Variants in STS observed in about 807,000 individuals in gnomAD.
STS encodes the protein steryl-sulfatase.
A neutral mutation model predicts 26.8 loss-of-function variants in STS; 7 were observed. The ratio of observed to expected loss-of-function variants is 0.26; its 90% CI spans 0.15 to 0.49. The LOEUF (loss-of-function observed/expected upper bound fraction) is 0.49. Ranked by LOEUF, STS falls within the 20% of genes least tolerant of loss-of-function variation. The probability of loss-of-function intolerance (pLI) is 0.98; values close to 1 mark genes in which losing one functional copy is unlikely to be tolerated. For synonymous variants in STS, 199 were observed against 189.4 expected, an observed-to-expected ratio of 1.05 and a Z score of -0.42; for missense variants, 434 against 465.6, an observed-to-expected ratio of 0.93 and a Z score of 0.63.
At position 7,147,974 on chromosome X, in the gene STS, C is replaced by G; in HGVS notation, c.-243C>G. 3 of 780,078 alleles carry G rather than the reference C, an allele frequency of 3.8e-6. No individual in the cohort carries two copies. The Middle Eastern group carries it at 8.9e-4, about 230-fold the overall frequency. The allele number at this position is 780,078 out of a possible 1,213,427, so 64.3% of individuals were successfully genotyped here. A position where few individuals can be genotyped will look rare whatever the true frequency, so the allele number is the denominator to read the frequency against. ...CACCGCCCCGCCGCGGCCCCCAGGC[C>G]GTGACGTACCCCGCGCCGACCGTCC... On this transcript the variant is annotated 5_prime_UTR_variant, in exon 1 of 11. Coordinates refer to ENST00000674429, the MANE Select transcript of STS (RefSeq NM_001320752.2).
At chrX:7,205,898 G>C (rs1172457951) in intron 2 of STS, among the ~76,000 whole-genome samples, 5 of 107,868 alleles carry the variant, frequency 4.6e-5, no homozygotes, top group African/African-American at 1.0e-4. Context: ...TTACAGGTGT[G>C]AGCCACCACT....
intron 6 of STS, among the ~76,000 whole-genome samples, chrX:7,272,032 G>A (rs1223162077): frequency 9.1e-6 from 1 of 109,513 alleles, no homozygotes; most frequent in African/African-American, 3.3e-5. Context: ...TGAGCAGTTC[G>A]AGGAGCCCAA....
intron 8 of STS, among the ~76,000 whole-genome samples, chrX:7,319,806 T>C (rs1926878431): frequency 9.4e-6 from 1 of 106,497 alleles, no homozygotes; most frequent in South Asian, 3.9e-4. Flanking sequence ...ACTGTTTAAA[T>C]TCACAGGCTT....
intron 10 of STS, among the ~76,000 whole-genome samples, chrX:7,336,239 G>GCCCCC (rs778077403): frequency 2.3e-5 from 2 of 88,763 alleles, no homozygotes; most frequent in Non-Finnish European, 4.4e-5. Flanking sequence ...ACCTAGGACT[G>GCCCCC]CCCCCCCCAC....
chrX:7,255,028 T>G (rs1317703813), intron 3 of STS, among the ~76,000 whole-genome samples: 1 of 112,572 alleles, frequency 8.9e-6, no homozygotes, highest in African/African-American at 3.2e-5. Context: ...GACAGTATAT[T>G]TAATCATTGC....
intron 7 of STS, among the ~76,000 whole-genome samples, chrX:7,301,768 A>G (rs116788488): frequency 1.7e-3 from 189 of 112,008 alleles, no homozygotes; most frequent in African/African-American, 5.8e-3. Context: ...AGGTCTCTAT[A>G]GCTTTGCCTT....
intron 2 of STS, among the ~76,000 whole-genome samples, chrX:7,215,006 A>C (rs1411620484): frequency 9.0e-5 from 4 of 44,200 alleles, no homozygotes; most frequent in African/African-American, 3.1e-4. Flanking sequence ...ATATACATAT[A>C]TACGTATATA....
intron 1 of STS, among the ~76,000 whole-genome samples, chrX:7,166,424 CAG>C (rs1411668200): frequency 1.8e-5 from 2 of 111,710 alleles, no homozygotes; most frequent in Admixed American, 1.9e-4. Flanking sequence ...CAGTGTGTCA[CAG>C]AGTTTTGTTT....
At chrX:7,261,527 T>C (rs928073083) in intron 6 of STS, among the ~76,000 whole-genome samples, 1 of 111,378 alleles carries the variant, frequency 9.0e-6, no homozygotes, top group Admixed American at 9.6e-5. Context: ...TCTATGAAAA[T>C]TATGTTGTCA....
rs751842239 is a variant in STS, at chrX:7,351,467, T to C, written c.*1206T>C. ...GCAACTGATCGCCTAGGAGAGGGCCTCGTAGTGGCACAGCTGGAGATAGTT... is the reference window on the plus strand; with the variant it reads ...GCAACTGATCGCCTAGGAGAGGGCCCCGTAGTGGCACAGCTGGAGATAGTT... On this transcript the variant is annotated 3_prime_UTR_variant, in exon 11 of 11. Coordinates refer to ENST00000674429, the MANE Select transcript of STS (RefSeq NM_001320752.2). The C allele has an allele frequency of 8.9e-6, 1 of 111,799 alleles. No individual in the cohort carries two copies. The highest frequency in any genetic ancestry group is 2.8e-4 in the East Asian group (1 of 3,542). The allele number at this position is 111,799 out of a possible 1,213,427, so 9.2% of individuals were successfully genotyped here. A position where few individuals can be genotyped will look rare whatever the true frequency, so the allele number is the denominator to read the frequency against.
chrX:7,284,452 G>A (rs1219750961), intron 7 of STS, among the ~76,000 whole-genome samples: 1 of 111,714 alleles, frequency 9.0e-6, no homozygotes, highest in Non-Finnish European at 1.9e-5. Context: ...ATCCCAGTGG[G>A]ATGTGATGTG....
intron 1 of STS, among the ~76,000 whole-genome samples, chrX:7,190,300 A>G (rs1368181459): frequency 9.1e-6 from 1 of 109,643 alleles, no homozygotes; most frequent in Non-Finnish European, 1.9e-5. Flanking sequence ...GCAGTTCACA[A>G]TAGGTTTTGT....
chrX:7,317,732 G>A (rs1436907040), intron 8 of STS, among the ~76,000 whole-genome samples: 2 of 111,690 alleles, frequency 1.8e-5, no homozygotes, highest in African/African-American at 6.5e-5. Flanking sequence ...GTCTCCCAAA[G>A]TGTTGGGATT....
intron 6 of STS, among the ~76,000 whole-genome samples, chrX:7,266,704 A>G (rs1198253964): frequency 8.9e-6 from 1 of 112,261 alleles, no homozygotes; most frequent in East Asian, 2.8e-4. Context: ...AATTTCTTGG[A>G]GATACCCAAC....
chrX:7,206,318 C>A (rs1331069429), intron 2 of STS, among the ~76,000 whole-genome samples: 1 of 112,095 alleles, frequency 8.9e-6, no homozygotes, highest in African/African-American at 3.2e-5. Context: ...GCTTTTTGTT[C>A]CAGTTCTCTT....
At chrX:7,340,056 CAAAAA>C (rs202100721) in intron 10 of STS, among the ~76,000 whole-genome samples, 1 of 55,805 alleles carries the variant, frequency 1.8e-5, no homozygotes, top group East Asian at 5.4e-4. Flanking sequence ...TTCTTGAATA[CAAAAA>C]AAAAAAAAAA....
In STS at chrX:7,290,335, G is replaced by A. The variant is rs560619783; in HGVS notation, c.943+14248G>A. On this transcript the variant is annotated intron_variant, in intron 7 of 10. Coordinates refer to ENST00000674429, the MANE Select transcript of STS (RefSeq NM_001320752.2). ...ACATTAGACTGTGTCCTGTTGTCAC[G>A]CTGCCGCTGTCATCTGCTCCACTGA... is the stretch of plus-strand genomic sequence containing the variant. Among the ~76,000 whole-genome samples, 4 of 111,260 alleles carry A rather than the reference G, an allele frequency of 3.6e-5. No individual in the cohort carries two copies. In the South Asian group the frequency reaches 1.1e-3, roughly 32 times the overall value.
intron 2 of STS, among the ~76,000 whole-genome samples, chrX:7,237,326 T>C (rs1470067447): frequency 9.1e-6 from 1 of 110,475 alleles, no homozygotes; most frequent in East Asian, 2.8e-4. Context: ...TTGTTGTTGT[T>C]GTTAGTAGAG....
At chrX:7,275,186 AGTTTT>A (rs756209186) in intron 6 of STS, among the ~76,000 whole-genome samples, 3 of 111,379 alleles carry the variant, frequency 2.7e-5, no homozygotes, top group Non-Finnish European at 3.8e-5. Context: ...AAGGATAAAA[AGTTTT>A]AGTTAGACAG....
Sources: gnomAD v4.1 joint callset for allele counts (sites outside exome capture counted in the v4.1 genomes callset) on GRCh38, gnomAD v4.1.1 for gene constraint, MANE v1.5 for transcripts, NCBI Gene and HGNC (gene_info 2026-07-23, HGNC 2026-07-21) for gene names.